DNAJC6: variants seen among roughly 807,000 people sequenced by gnomAD.
DNAJC6 encodes auxilin.
A neutral mutation model predicts 110.0 loss-of-function variants in DNAJC6; 34 were observed. The ratio of observed to expected loss-of-function variants is 0.31; its 90% CI spans 0.24 to 0.41. The LOEUF is 0.41. DNAJC6 is among the 10% of genes least tolerant of loss of function. The pLI is 1.00. For missense variants in DNAJC6, 1,031 were observed against 1,207.8 expected, an observed-to-expected ratio of 0.85 and a Z score of 2.17; for synonymous variants, 406 against 437.2, an observed-to-expected ratio of 0.93 and a Z score of 0.89.
intron 1 of DNAJC6, among the ~76,000 whole-genome samples, chr1:65,350,030 A>G (rs1381497430): frequency 6.6e-6 from 1 of 152,218 alleles, no homozygotes; most frequent in African/African-American, 2.4e-5. Flanking sequence ...TATCCAATTT[A>G]CAATTCAATA....
intron 5 of DNAJC6, 153 bp downstream of exon 5, chr1:65,379,677 A>C (rs770402231): frequency 8.7e-7 from 1 of 1,150,374 alleles, no homozygotes; most frequent in Non-Finnish European, 1.2e-6. Context: ...AAAAATAAGA[A>C]AGGGATTTAT....
chr1:65,281,554 G>A (rs1046445309), intron 1 of DNAJC6, among the ~76,000 whole-genome samples: 2 of 152,060 alleles, frequency 1.3e-5, no homozygotes, highest in Non-Finnish European at 2.9e-5. Context: ...TGGTTATAAA[G>A]TTGATGCATG....
At position 65,345,629 on chromosome 1, in the gene DNAJC6, C is replaced by T. The variant is rs939114124; in HGVS notation, c.194-19006C>T. The T allele has an allele frequency of 1.6e-5, 16 of 984,094 alleles. No homozygotes were observed. In the African/African-American group the frequency reaches 1.8e-4, roughly 11 times the overall value. The allele number at this position is 984,094 out of a possible 1,614,324, so 61.0% of individuals were successfully genotyped here. On this transcript the variant is annotated intron_variant, in intron 1 of 18. Transcript: ENST00000371069. ...TCTCCAGGAGTGGTTATTATTGAGT[C>T]GAGAATTTTTGGGAAAAGTAACACG...
In DNAJC6 at chr1:65,415,473, C is replaced by CACACACACACAT. The variant is rs1362021818; in HGVS notation, c.*2459_*2460insTACACACACACA. On this transcript the variant is annotated 3_prime_UTR_variant, in exon 19 of 19. Coordinates refer to ENST00000371069, the MANE Select transcript of DNAJC6 (RefSeq NM_001256864.2). ...CAACACACACACACACACACACACACACACACACACACATGCACGCACACA... is the reference window on the plus strand; with the variant it reads ...CAACACACACACACACACACACACACACACACACACATACACACACACACATGCACGCACACA... 2.0e-5 allele frequency: 3 copies of CACACACACACAT among 151,776 alleles called. No individual in the cohort carries two copies. The highest frequency in any genetic ancestry group is 7.3e-5 in the African/African-American group (3 of 41,246). 9.4% of individuals were successfully genotyped at this position (151,776 alleles called of 1,614,324 possible). A position where few individuals can be genotyped will look rare whatever the true frequency, so the allele number is the denominator to read the frequency against.
At position 65,309,581 on chromosome 1, in the gene DNAJC6, C is replaced by T. The variant is rs1557513988; in HGVS notation, c.-165C>T. On this transcript the variant is annotated 5_prime_UTR_variant, in exon 1 of 19. Coordinates refer to ENST00000371069, the MANE Select transcript of DNAJC6 (RefSeq NM_001256864.2). ...CCCAGGGCGGCGGCTTCGCCTCGCCCGGCGAAGCTTCTCTCCGGTGGCCGC... is the reference window on the plus strand; with the variant it reads ...CCCAGGGCGGCGGCTTCGCCTCGCCTGGCGAAGCTTCTCTCCGGTGGCCGC... The T allele has an allele frequency of 7.7e-7, 1 of 1,305,038 alleles. No homozygotes were observed. The highest frequency in any genetic ancestry group is 9.7e-7 in the Non-Finnish European group (1 of 1,031,230). The allele number at this position is 1,305,038 out of a possible 1,614,324, so 80.8% of individuals were successfully genotyped here.
intron 12 of DNAJC6, among the ~76,000 whole-genome samples, 168 bp from the exon 13 acceptor site, chr1:65,394,730 A>G (rs1301390752): frequency 1.3e-5 from 2 of 152,220 alleles, no homozygotes; most frequent in Non-Finnish European, 2.9e-5. Flanking sequence ...TGTAGCAGCA[A>G]TGGTATCGAC....
At chr1:65,366,648 A>C (rs1290601959) in intron 4 of DNAJC6, among the ~76,000 whole-genome samples, 1 of 152,152 alleles carries the variant, frequency 6.6e-6, no homozygotes, top group African/African-American at 2.4e-5. Context: ...AATATATTTT[A>C]AGAAGTTTTT....
At chr1:65,343,622 C>A (rs532519259) in intron 1 of DNAJC6, among the ~76,000 whole-genome samples, 1 of 151,952 alleles carries the variant, frequency 6.6e-6, no homozygotes, top group South Asian at 2.1e-4. Flanking sequence ...TTCAAGTGAC[C>A]CTTATTTTAC....
intron 1 of DNAJC6, among the ~76,000 whole-genome samples, chr1:65,336,092 G>A (rs1645333262): frequency 6.6e-6 from 1 of 152,124 alleles, no homozygotes; most frequent in Non-Finnish European, 1.5e-5. Context: ...ATCCAAGGCT[G>A]GGTAATTTAT....
At chr1:65,399,854 A>G (rs780862237) in intron 14 of DNAJC6, among the ~76,000 whole-genome samples, 1 of 152,142 alleles carries the variant, frequency 6.6e-6, no homozygotes, top group Admixed American at 6.6e-5. Context: ...GTGTTGTAAC[A>G]TGTGACAGGA....
chr1:65,414,868 T>C lies in DNAJC6; in HGVS notation c.*1843T>C, dbSNP rs1273921394. On this transcript the variant is annotated 3_prime_UTR_variant, in exon 19 of 19. Coordinates refer to ENST00000371069, the MANE Select transcript of DNAJC6 (RefSeq NM_001256864.2). ...TTGTGTGAACTACAGTATATAATGA[T>C]AACAATTAAAAGGATATTCTGTGGA... The C allele has an allele frequency of 6.5e-6, 1 of 152,674 alleles. No homozygotes were observed. Among genetic ancestry groups the C allele is most frequent in the African/African-American group, 2.4e-5 (1 of 41,456 alleles). 9.5% of individuals were successfully genotyped at this position (152,674 alleles called of 1,614,324 possible). A position where few individuals can be genotyped will look rare whatever the true frequency, so the allele number is the denominator to read the frequency against.
intron 1 of DNAJC6, among the ~76,000 whole-genome samples, chr1:65,361,558 G>T (rs1163611273): frequency 6.6e-6 from 1 of 152,136 alleles, no homozygotes; most frequent in African/African-American, 2.4e-5. Flanking sequence ...CACCTCACTA[G>T]TAATCAGGGA....
intron 15 of DNAJC6, among the ~76,000 whole-genome samples, chr1:65,403,620 C>A (rs980778860): frequency 6.6e-6 from 1 of 152,176 alleles, no homozygotes; most frequent in Non-Finnish European, 1.5e-5. Context: ...CAAGATGGAG[C>A]ATTTTTTAAA....
chr1:65,293,564 T>C (rs1217541335), intron 1 of DNAJC6, among the ~76,000 whole-genome samples: 1 of 152,174 alleles, frequency 6.6e-6, no homozygotes, highest in Non-Finnish European at 1.5e-5. Context: ...AGTGAAGAAG[T>C]GTACCCTACC....
intron 5 of DNAJC6, 174 bp downstream of exon 5, chr1:65,379,698 T>A: frequency 1.0e-6 from 1 of 977,802 alleles, no homozygotes; most frequent in Non-Finnish European, 1.5e-6. Context: ...TATTCTTGAC[T>A]TAAAGCTTGA....
chr1:65,392,711 C>T lies in DNAJC6; in HGVS notation c.1749C>T (p.Asp583=). The change falls in exon 12 of 19, where the codon GAC becomes GAT. Residue 583 remains aspartate, a synonymous_variant. Coordinates refer to ENST00000371069, the MANE Select transcript of DNAJC6 (RefSeq NM_001256864.2). Reference sequence around the variant, plus strand: ...CCACCAATTCTGAACTACTGAGTGACCTGTTTGGGGGTGGAGGTGCAGCTG... The same window carrying T: ...CCACCAATTCTGAACTACTGAGTGATCTGTTTGGGGGTGGAGGTGCAGCTG... ...APPTNSELLS[D]LFGGGGAAGP... is the part of the protein sequence containing the mutation. The T allele has an allele frequency of 6.2e-7, 1 of 1,612,898 alleles. No homozygotes were observed. The highest frequency in any genetic ancestry group is 8.5e-7 in the Non-Finnish European group (1 of 1,179,530).
At chr1:65,389,700 G>T in intron 11 of DNAJC6, 73 bp downstream of exon 11, 1 of 1,511,180 alleles carries the variant, frequency 6.6e-7, no homozygotes, top group Admixed American at 1.7e-5. Context: ...GTTGGCCCTA[G>T]AAGCAGACTA....
At chr1:65,379,573 T>C in intron 5 of DNAJC6, 49 bp downstream of exon 5, 2 of 1,608,768 alleles carry the variant, frequency 1.2e-6, no homozygotes, top group Non-Finnish European at 1.7e-6. Context: ...TGGTCAAATA[T>C]GGATGAGCCT....
chr1:65,273,612 C>G (rs1351610442), intron 1 of DNAJC6, among the ~76,000 whole-genome samples: 1 of 152,022 alleles, frequency 6.6e-6, no homozygotes, highest in African/African-American at 2.4e-5. Context: ...AAAAAAAATC[C>G]CTTAAGCTAT....
Sources: gnomAD v4.1 joint callset for allele counts (sites outside exome capture counted in the v4.1 genomes callset) on GRCh38, gnomAD v4.1.1 for gene constraint, MANE v1.5 for transcripts, NCBI Gene and HGNC (gene_info 2026-07-23, HGNC 2026-07-21) for gene names.